Variants in CD83 observed in about 807,000 individuals in gnomAD.
The protein encoded by CD83 is CD83 antigen.
CD83 carries 22 observed loss-of-function variants against 24.6 expected under a neutral mutation model. The observed-to-expected ratio is 0.90, with a 90% CI of 0.64 to 1.28. The LOEUF is 1.28. Among genes scored for constraint, CD83 ranks in the 50% most tolerant of loss-of-function variants. The pLI is 0.00. For missense variants in CD83, 253 were observed against 252.8 expected (o/e 1.00, Z -0.01); for synonymous variants, 101 against 103.5 (o/e 0.98, Z 0.14).
At chr6:14,128,178 G>T (rs911979248) in intron 2 of CD83, among the ~76,000 whole-genome samples, 2 of 152,108 alleles carry the variant, frequency 1.3e-5, no homozygotes, top group African/African-American at 4.8e-5. Flanking sequence ...CTGTTACTCC[G>T]TTTTCCTCCC....
chr6:14,133,740 C>T lies in CD83; in HGVS notation c.474C>T (p.Leu158=). 1 of 1,605,374 alleles carries T rather than the reference C, an allele frequency of 6.2e-7. No homozygotes were observed. The highest frequency in any genetic ancestry group is 8.5e-7 in the Non-Finnish European group (1 of 1,172,758). The change falls in exon 4 of 5, where the codon CTC becomes CTT. Residue 158 remains leucine (L), a synonymous_variant. Transcript: ENST00000379153. ...CTCTGGTTATTTTCTACTTAACACT[C>T]ATCATTTTCACTTGTGTAAGTATCT... ...LLALVIFYLT[L]IIFTCKFARL...
chr6:14,133,799 C>A, intron 4 of CD83, 44 bp downstream of exon 4: 3 of 1,256,700 alleles, frequency 2.4e-6, no homozygotes, highest in Non-Finnish European at 3.5e-6. Flanking sequence ...AAAGATTACC[C>A]AGGGCACCAA....
At chr6:14,133,853 G>A (rs767790679) in intron 4 of CD83, 98 bp downstream of exon 4, 10 of 730,676 alleles carry the variant, frequency 1.4e-5, no homozygotes, top group African/African-American at 7.1e-5. Flanking sequence ...TAATAATGGT[G>A]AGAGAGATTA....
intron 2 of CD83, among the ~76,000 whole-genome samples, chr6:14,123,232 G>T (rs574630762): frequency 4.6e-5 from 7 of 151,984 alleles, no homozygotes; most frequent in African/African-American, 1.7e-4. Context: ...TGAGTAGCTG[G>T]GATTACAGGT....
chr6:14,124,478 T>C (rs1394836273), intron 2 of CD83, among the ~76,000 whole-genome samples: 1 of 152,208 alleles, frequency 6.6e-6, no homozygotes, highest in African/African-American at 2.4e-5. Context: ...CCAGCAGTTC[T>C]GGAGAACAGA....
At chr6:14,118,551 GTGACTTAGGCCATTTCATCCA>G (rs991450375) in intron 2 of CD83, among the ~76,000 whole-genome samples, 4 of 152,174 alleles carry the variant, frequency 2.6e-5, no homozygotes, top group African/African-American at 9.7e-5. Flanking sequence ...AGACACAGAA[GTGACTTAGGCCATTTCATCCA>G]TGGTAGTTAT....
intron 2 of CD83, among the ~76,000 whole-genome samples, chr6:14,123,067 A>G (rs144967345): frequency 1.9e-3 from 285 of 151,814 alleles, no homozygotes; most frequent in Non-Finnish European, 3.1e-3. Context: ...GTAAGGAGCC[A>G]TTGAAGGATT....
Position 14,135,340 on chromosome 6 carries a change from T to C in CD83, c.*104T>C, listed in dbSNP as rs1758024770. 17 of 1,275,214 alleles carry C rather than the reference T, an allele frequency of 1.3e-5. No homozygotes were observed. The South Asian group carries it at 2.4e-4, about 18-fold the overall frequency. 79.0% of individuals were successfully genotyped at this position (1,275,214 alleles called of 1,614,324 possible). ...TGAGCCTACGCTGAAGATGGCATCC[T>C]GTGAAGTCCTTCACCTCACTGAAAA... On this transcript the variant is annotated 3_prime_UTR_variant, in exon 5 of 5. Coordinates refer to ENST00000379153, the MANE Select transcript of CD83 (RefSeq NM_004233.4).
At chr6:14,121,639 A>T (rs2113387462) in intron 2 of CD83, among the ~76,000 whole-genome samples, 1 of 151,276 alleles carries the variant, frequency 6.6e-6, no homozygotes, top group African/African-American at 2.4e-5. Flanking sequence ...AAAAAAAAAA[A>T]AAGTTGTAAT....
At chr6:14,131,844 A>G (rs985726577) in intron 3 of CD83, 96 bp downstream of exon 3, 3 of 785,784 alleles carry the variant, frequency 3.8e-6, no homozygotes, top group Admixed American at 2.1e-5. Context: ...GTGTAGCTCT[A>G]GAGCTTTGGA....
upstream of CD83, chr6:14,117,268 T>C (rs982820023): frequency 5.9e-5 from 9 of 152,172 alleles, no homozygotes; most frequent in African/African-American, 2.2e-4. This position sits in a 1 kb window ranked among gnomAD's most constrained non-coding sequence, Gnocchi z 4.6. Context: ...TTATCACAGA[T>C]TCTGGAGAAG....
intron 2 of CD83, among the ~76,000 whole-genome samples, chr6:14,125,954 G>A (rs1759799187): frequency 6.6e-6 from 1 of 152,208 alleles, no homozygotes; most frequent in African/African-American, 2.4e-5. Context: ...GGTGTGGAAA[G>A]CTATCACAGA....
chr6:14,131,729 G>A lies in CD83; in HGVS notation c.363G>A (p.Lys121=). ...DPDGQRNLSG[K]VILRVTGCPA... ...ATGGGCAGAGAAACCTAAGTGGCAA[G>A]GTGATCTTGAGAGTGACAGGTGAGG... The change falls in exon 3 of 5, where the codon AAG becomes AAA. Residue 121 remains lysine (K), a synonymous_variant. Coordinates refer to ENST00000379153, the MANE Select transcript of CD83 (RefSeq NM_004233.4). 1 of 1,613,582 alleles carries A rather than the reference G, an allele frequency of 6.2e-7. No individual in the cohort carries two copies. Among genetic ancestry groups the A allele is most frequent in the Middle Eastern group, 1.7e-4 (1 of 6,056 alleles).
rs375559502 is a variant in CD83 at position 14,134,249 on chromosome 6, T to A, written c.489+494T>A. Among the ~76,000 whole-genome samples the A allele has an allele frequency of 2.8e-4, 43 of 152,328 alleles. No homozygotes were observed. The South Asian group carries it at 8.5e-3, about 30-fold the overall frequency. On this transcript the variant is annotated intron_variant, in intron 4 of 4. Coordinates refer to ENST00000379153, the MANE Select transcript of CD83 (RefSeq NM_004233.4). ...GTATTTCTGCCCATGCCTTAAGAAT[T>A]AATCCCAAGAAGCCAGAGCAGTGAG...
chr6:14,128,869 T>G (rs990191448), intron 2 of CD83, among the ~76,000 whole-genome samples: 11 of 152,240 alleles, frequency 7.2e-5, no homozygotes, highest in Admixed American at 3.9e-4. Flanking sequence ...TTGCTGCTGA[T>G]TTTTAAAATG....
At chr6:14,132,444 T>TG (rs1757931540) in intron 3 of CD83, among the ~76,000 whole-genome samples, 1 of 152,234 alleles carries the variant, frequency 6.6e-6, no homozygotes, top group African/African-American at 2.4e-5. Context: ...CATGGCGATA[T>TG]TGCCTACAAC....
intron 4 of CD83, among the ~76,000 whole-genome samples, chr6:14,134,108 C>A (rs9476512): frequency 2.0e-5 from 3 of 152,216 alleles, no homozygotes; most frequent in African/African-American, 7.2e-5. Context: ...AGAGGCCCCG[C>A]TCTTCCTGTG....
chr6:14,127,137 C>T (rs1759837104), intron 2 of CD83, among the ~76,000 whole-genome samples: 1 of 151,908 alleles, frequency 6.6e-6, no homozygotes. Context: ...TACAGATGTC[C>T]ACTACCACGC....
At chr6:14,118,727 T>A (rs116789738) in intron 2 of CD83, among the ~76,000 whole-genome samples, 68 of 152,270 alleles carry the variant, frequency 4.5e-4, no homozygotes, top group African/African-American at 1.5e-3. Flanking sequence ...CTACTGTAAG[T>A]GGACTGAGTG....
Sources: allele counts gnomAD v4.1 joint callset (sites outside exome capture counted in the v4.1 genomes callset), GRCh38; gene constraint gnomAD v4.1.1; non-coding constraint Gnocchi (gnomAD v3.1); transcripts MANE v1.5; gene names NCBI Gene and HGNC (gene_info 2026-07-23, HGNC 2026-07-21).